The following TAFA2 variants were observed in gnomAD, a reference collection of about 807,000 sequenced individuals.
TAFA2 encodes the protein chemokine-like protein TAFA-2.
A neutral mutation model predicts 18.8 loss-of-function variants in TAFA2; 7 were observed. The observed-to-expected ratio is 0.37, with a 90% CI of 0.21 to 0.70. The LOEUF is 0.70. TAFA2 is among the 30% of genes least tolerant of loss of function. TAFA2 has a pLI of 0.53. For synonymous variants in TAFA2, 60 were observed against 54.2 expected (o/e 1.11, Z -0.47); for missense variants, 122 against 158.1 (o/e 0.77, Z 1.23).
chr12:61,713,794 G>T (rs1451994841), intron 4 of TAFA2, among the ~76,000 whole-genome samples: 3 of 151,932 alleles, frequency 2.0e-5, no homozygotes, highest in African/African-American at 7.2e-5. Context: ...TTAAATTCTG[G>T]CATGCTGGGG....
At chr12:62,057,714 A>G in intron 1 of TAFA2, among the ~76,000 whole-genome samples, 1 of 152,190 alleles carries the variant, frequency 6.6e-6, no homozygotes, top group East Asian at 1.9e-4. Context: ...CTTTCTTTCA[A>G]AAAAGATAGG....
intron 1 of TAFA2, among the ~76,000 whole-genome samples, chr12:62,134,312 C>A (rs889405710): frequency 2.0e-5 from 3 of 151,874 alleles, no homozygotes; most frequent in African/African-American, 7.3e-5. Context: ...AGGTCCTAAG[C>A]ATGGAGCACA....
chr12:62,056,917 T>A (rs1882202676), intron 1 of TAFA2, among the ~76,000 whole-genome samples: 1 of 152,228 alleles, frequency 6.6e-6, no homozygotes, highest in Non-Finnish European at 1.5e-5. Context: ...GCATTTTGTT[T>A]AAAGTTTTTC....
At chr12:61,937,021 A>T (rs1275365382) in intron 1 of TAFA2, among the ~76,000 whole-genome samples, 1 of 152,188 alleles carries the variant, frequency 6.6e-6, no homozygotes, top group Non-Finnish European at 1.5e-5. Context: ...ACAATAACCA[A>T]GCTGAGAAGC....
intron 1 of TAFA2, among the ~76,000 whole-genome samples, chr12:61,877,687 C>T (rs1874914988): frequency 1.3e-5 from 2 of 152,072 alleles, no homozygotes; most frequent in African/African-American, 4.8e-5. Flanking sequence ...AAGAAGGATT[C>T]AGGACACATC....
At chr12:62,134,401 C>T (rs1205756373) in intron 1 of TAFA2, among the ~76,000 whole-genome samples, 1 of 151,956 alleles carries the variant, frequency 6.6e-6, no homozygotes, top group Non-Finnish European at 1.5e-5. Flanking sequence ...CTTTCCCTCT[C>T]TCTCTCCACC....
intron 1 of TAFA2, among the ~76,000 whole-genome samples, chr12:61,936,884 T>C (rs536831375): frequency 1.5e-4 from 23 of 152,234 alleles, no homozygotes; most frequent in African/African-American, 5.5e-4. Flanking sequence ...ACTATCACTG[T>C]TCACCAATGA....
chr12:62,208,847 T>C (rs189177892), intron 1 of TAFA2, among the ~76,000 whole-genome samples: 58 of 152,332 alleles, frequency 3.8e-4, no homozygotes, highest in African/African-American at 1.4e-3. Flanking sequence ...TACCCAGAAT[T>C]AGTCCTCCTT....
At chr12:61,743,987 A>G (rs1868578118) in intron 4 of TAFA2, among the ~76,000 whole-genome samples, 1 of 152,032 alleles carries the variant, frequency 6.6e-6, no homozygotes. Flanking sequence ...ACGAGGTGCC[A>G]TTTTTCTTTT....
At chr12:62,189,546 A>G (rs1202396123) in intron 1 of TAFA2, among the ~76,000 whole-genome samples, 1 of 152,232 alleles carries the variant, frequency 6.6e-6, no homozygotes, top group African/African-American at 2.4e-5. Flanking sequence ...TTAGGTGCCA[A>G]TTTTGATATT....
intron 2 of TAFA2, among the ~76,000 whole-genome samples, chr12:61,852,060 A>G (rs1873692376): frequency 6.6e-6 from 1 of 151,832 alleles, no homozygotes; most frequent in African/African-American, 2.4e-5. Context: ...ATACAAAATT[A>G]GCCTGGCGTT....
chr12:62,108,337 T>C (rs777193757), intron 1 of TAFA2, among the ~76,000 whole-genome samples: 2 of 152,242 alleles, frequency 1.3e-5, no homozygotes, highest in African/African-American at 2.4e-5. Flanking sequence ...TTTGGCTGCA[T>C]AGAATTCCAT....
rs1205380361 is a variant in TAFA2, at chr12:61,914,827, T to TA, written c.-1-47402dup. ...TCCTTTCTAATTGGAAAGATAGGCT[T>TA]AAAAAAAACCTAAAGACTTATTTTA... On this transcript the variant is annotated intron_variant, in intron 1 of 4. Transcript: ENST00000416284. Among the ~76,000 whole-genome samples, 10 of 152,038 alleles carry TA rather than the reference T, an allele frequency of 6.6e-5. No individual in the cohort carries two copies. The East Asian group carries it at 9.7e-4, about 15-fold the overall frequency.
chr12:62,208,445 A>G (rs2136971651), intron 1 of TAFA2, among the ~76,000 whole-genome samples: 1 of 151,212 alleles, frequency 6.6e-6, no homozygotes, highest in South Asian at 2.1e-4. Context: ...AGTATAAGGC[A>G]GCAGAAAACT....
At chr12:61,976,529 C>T (rs925672005) in intron 1 of TAFA2, among the ~76,000 whole-genome samples, 3 of 151,694 alleles carry the variant, frequency 2.0e-5, no homozygotes, top group Non-Finnish European at 2.9e-5. Flanking sequence ...TTATTATAAT[C>T]CAAAATTTTT....
chr12:62,139,272 A>AG (rs1449410088), intron 1 of TAFA2, among the ~76,000 whole-genome samples: 10 of 152,238 alleles, frequency 6.6e-5, no homozygotes, highest in Admixed American at 4.6e-4. Context: ...TGTCACAAAC[A>AG]GGGCTTCCAG....
Position 61,878,021 on chromosome 12 carries a change from CATGTT to C in TAFA2, c.-1-10600_-1-10596del, listed in dbSNP as rs377332133. ...ATTACAACATAGATGAATTTGGAAA[CATGTT>C]AAGTGAAATAAGCCAGACACAAAAG... On this transcript the variant is annotated intron_variant, in intron 1 of 4. Coordinates refer to ENST00000416284, the MANE Select transcript of TAFA2 (RefSeq NM_178539.5). 1.7e-3 allele frequency: 776 copies of C among 451,308 alleles called. 6 individuals carry two copies. The highest frequency in any genetic ancestry group is 0.014 in the African/African-American group (693 of 49,858). The allele number at this position is 451,308 out of a possible 1,614,324, so 28.0% of individuals were successfully genotyped here.
At chr12:62,007,305 A>T (rs923662604) in intron 1 of TAFA2, among the ~76,000 whole-genome samples, 2 of 152,206 alleles carry the variant, frequency 1.3e-5, no homozygotes, top group African/African-American at 4.8e-5. Context: ...TTATTACCCT[A>T]TACGAAATCA....
At chr12:62,181,699 G>A (rs534194296) in intron 1 of TAFA2, among the ~76,000 whole-genome samples, 1 of 152,290 alleles carries the variant, frequency 6.6e-6, no homozygotes, top group Admixed American at 6.5e-5. Flanking sequence ...AGTGAACTGA[G>A]CTTGTGACAT....
Sources: allele counts gnomAD v4.1 joint callset (sites outside exome capture counted in the v4.1 genomes callset), GRCh38; gene constraint gnomAD v4.1.1; transcripts MANE v1.5; gene names NCBI Gene and HGNC (gene_info 2026-07-23, HGNC 2026-07-21).